ADCY1: variants seen among roughly 807,000 people sequenced by gnomAD.
ADCY1 encodes the protein adenylate cyclase 1.
ADCY1 carries 28 observed loss-of-function variants against 105.4 expected under a neutral mutation model. That is an observed-to-expected ratio of 0.27 (90% CI 0.20 to 0.36). ADCY1 has a LOEUF of 0.36. Ranked by LOEUF, ADCY1 falls within the 10% of genes least tolerant of loss-of-function variation. The pLI is 1.00. For missense variants in ADCY1, 977 were observed against 1,434.2 expected, an observed-to-expected ratio of 0.68 and a Z score of 5.15; for synonymous variants, 655 against 623.8, an observed-to-expected ratio of 1.05 and a Z score of -0.75.
chr7:45,678,409 A>G (rs1216931122), intron 10 of ADCY1, 146 bp downstream of exon 10: 8 of 744,032 alleles, frequency 1.1e-5, no homozygotes, highest in African/African-American at 7.0e-5. Flanking sequence ...TGTGCCCAAC[A>G]TGGCTGACAT....
At chr7:45,606,894 CAT>C (rs1793388772) in intron 2 of ADCY1, among the ~76,000 whole-genome samples, 1 of 152,084 alleles carries the variant, frequency 6.6e-6, no homozygotes, top group African/African-American at 2.4e-5. Context: ...AGCTTATTGA[CAT>C]ATGATCTGTT....
chr7:45,721,456 CTTAT>C lies in ADCY1; in HGVS notation c.*7464_*7467del, dbSNP rs1325558173. The C allele has an allele frequency of 1.8e-5, 7 of 388,710 alleles. No homozygotes were observed. The highest frequency in any genetic ancestry group is 1.2e-4 in the African/African-American group (6 of 48,478). The allele number at this position is 388,710 out of a possible 1,614,324, so 24.1% of individuals were successfully genotyped here. The stretch of plus-strand genomic sequence containing the variant: ...ACAGAATCTCCTTAAGAGCTGTTGC[CTTAT>C]TTTTTTGTAAAGCCTCTCTGACATC... On this transcript the variant is annotated 3_prime_UTR_variant, in exon 20 of 20. Coordinates refer to ENST00000297323, the MANE Select transcript of ADCY1 (RefSeq NM_021116.4).
intron 2 of ADCY1, among the ~76,000 whole-genome samples, chr7:45,602,917 C>T (rs1489914128): frequency 6.6e-6 from 1 of 152,058 alleles, no homozygotes; most frequent in African/African-American, 2.4e-5. Context: ...TTATTATCCC[C>T]CAAAGACACC....
intron 17 of ADCY1, among the ~76,000 whole-genome samples, chr7:45,706,890 G>A (rs991044912): frequency 6.6e-6 from 1 of 152,098 alleles, no homozygotes; most frequent in African/African-American, 2.4e-5. Context: ...TTAAAAAGTG[G>A]GCAAACAATT....
At chr7:45,633,834 C>T (rs1321697541) in intron 4 of ADCY1, among the ~76,000 whole-genome samples, 1 of 148,936 alleles carries the variant, frequency 6.7e-6, no homozygotes, top group African/African-American at 2.5e-5. Flanking sequence ...ATAGCAAAAA[C>T]CGTAATTACT....
chr7:45,605,404 T>G (rs1337171125), intron 2 of ADCY1, among the ~76,000 whole-genome samples: 3 of 152,240 alleles, frequency 2.0e-5, no homozygotes, highest in Admixed American at 6.5e-5. Flanking sequence ...CCTTGCCTTG[T>G]TCCCAGTGAA....
chr7:45,587,863 C>T (rs749344175), intron 1 of ADCY1, among the ~76,000 whole-genome samples: 10 of 152,200 alleles, frequency 6.6e-5, no homozygotes, highest in Non-Finnish European at 1.3e-4. Flanking sequence ...CCAGTGCTGG[C>T]AGTTACCAGC....
At position 45,714,056 on chromosome 7, in the gene ADCY1, G is replaced by A. The variant is rs1454056174; in HGVS notation, c.*61G>A. 4.3e-6 allele frequency: 3 copies of A among 692,236 alleles called. No homozygotes were observed. The highest frequency in any genetic ancestry group is 8.0e-6 in the Non-Finnish European group (3 of 375,902). The allele number at this position is 692,236 out of a possible 1,614,324, so 42.9% of individuals were successfully genotyped here. ...TGGGAATGCTCCGGGGGTGACACAG[G>A]CCACGGTGGCTCCAGCCAGGACCAG... On this transcript the variant is annotated 3_prime_UTR_variant, in exon 20 of 20. Transcript: ENST00000297323.
At position 45,684,969 on chromosome 7, in the gene ADCY1, T is replaced by G; in HGVS notation, c.1984-10T>G. 6.2e-7 allele frequency: 1 copy of G among 1,611,388 alleles called. No homozygotes were observed. The highest frequency in any genetic ancestry group is 1.7e-4 in the Middle Eastern group (1 of 6,050). On this transcript the variant is annotated splice_polypyrimidine_tract_variant and intron_variant, in intron 11 of 19. Transcript: ENST00000297323. ...AGAGGGTATTTTCTAAATTAACATT[T>G]CTTATTCAGTGTTTTCCAGGGTGCC...
At position 45,575,173 on chromosome 7, in the gene ADCY1, C is replaced by G; in HGVS notation, c.630C>G (p.Leu210=). Reference sequence around the variant, plus strand: ...TGGTCCCCGCCAAGCGCCCACGTCTCTGGAGGACGGTAAGTGCAGCCGCGC... The same window carrying G: ...TGGTCCCCGCCAAGCGCCCACGTCTGTGGAGGACGGTAAGTGCAGCCGCGC... ...ATLVPAKRPR[L]WRTLGANALL... The change falls in exon 1 of 20, where the codon CTC becomes CTG. Residue 210 remains leucine (L), a synonymous_variant. Coordinates refer to ENST00000297323, the MANE Select transcript of ADCY1 (RefSeq NM_021116.4). This position sits in a 1 kb window ranked among gnomAD's most constrained non-coding sequence, Gnocchi z 4.7. 6.2e-7 allele frequency: 1 copy of G among 1,601,292 alleles called. No individual in the cohort carries two copies. Among genetic ancestry groups the G allele is most frequent in the Non-Finnish European group, 8.5e-7 (1 of 1,173,868 alleles).
intron 2 of ADCY1, among the ~76,000 whole-genome samples, chr7:45,595,901 C>T (rs1274385289): frequency 6.6e-6 from 1 of 152,256 alleles, no homozygotes; most frequent in East Asian, 1.9e-4. Flanking sequence ...TAACTGTCTG[C>T]CTAGATGGGC....
chr7:45,671,305 A>G (rs545808130), intron 8 of ADCY1, among the ~76,000 whole-genome samples: 5 of 152,298 alleles, frequency 3.3e-5, no homozygotes, highest in South Asian at 4.1e-4. Context: ...CATGGTATGG[A>G]TAGACCACTG....
chr7:45,593,116 A>G (rs978572690), intron 2 of ADCY1, among the ~76,000 whole-genome samples: 8 of 152,048 alleles, frequency 5.3e-5, no homozygotes, highest in African/African-American at 1.9e-4. Context: ...TGCCCATGGG[A>G]TAGTGTTGGG....
At chr7:45,623,175 G>T (rs7801634) in intron 4 of ADCY1, among the ~76,000 whole-genome samples, 6,060 of 152,286 alleles carry the variant, frequency 0.04, 192 homozygotes, top group African/African-American at 0.086. Flanking sequence ...CTTGTCAGCT[G>T]GGGGCCCAGT....
intron 1 of ADCY1, among the ~76,000 whole-genome samples, chr7:45,585,935 A>T (rs555810754): frequency 6.6e-6 from 1 of 152,072 alleles, no homozygotes; most frequent in Admixed American, 6.5e-5. Context: ...CCTCTCTGGG[A>T]GGTTCAGATG....
intron 2 of ADCY1, among the ~76,000 whole-genome samples, chr7:45,609,675 C>G (rs888091566): frequency 5.3e-5 from 8 of 152,072 alleles, no homozygotes; most frequent in African/African-American, 1.9e-4. Flanking sequence ...AGGGGTGTGC[C>G]CAACAGGTCA....
rs922892601 is a variant in ADCY1 at position 45,592,578 on chromosome 7, C to T, written c.640-181C>T. ...CCTGACATGCTGTCTCACAGCCGCC[C>T]GGACAGGGTGAGGACGAGCTCCTGC... On this transcript the variant is annotated intron_variant, in intron 1 of 19. Transcript: ENST00000297323. Among the ~76,000 whole-genome samples, 11 of 152,226 alleles carry T rather than the reference C, an allele frequency of 7.2e-5. 1 individual carries two copies. The highest frequency in any genetic ancestry group is 2.2e-4 in the African/African-American group (9 of 41,456).
chr7:45,692,219 A>C (rs550757038), intron 14 of ADCY1, among the ~76,000 whole-genome samples: 1 of 152,328 alleles, frequency 6.6e-6, no homozygotes, highest in Admixed American at 6.5e-5. Context: ...TGCCCATCTG[A>C]GAGTGCACAC....
intron 1 of ADCY1, among the ~76,000 whole-genome samples, chr7:45,587,735 C>T (rs1792774783): frequency 1.3e-5 from 2 of 152,086 alleles, no homozygotes; most frequent in South Asian, 4.1e-4. Context: ...AGTGACCCTC[C>T]AGTGTCTGAT....
Sources: allele counts gnomAD v4.1 joint callset (sites outside exome capture counted in the v4.1 genomes callset), GRCh38; gene constraint gnomAD v4.1.1; non-coding constraint Gnocchi (gnomAD v3.1); transcripts MANE v1.5; gene names NCBI Gene and HGNC (gene_info 2026-07-23, HGNC 2026-07-21).